LRRC27: variants seen among roughly 807,000 people sequenced by gnomAD.
LRRC27 encodes the protein leucine rich repeat containing 27.
In LRRC27, 57 loss-of-function variants were observed where a neutral mutation model predicts 55.0. The ratio of observed to expected loss-of-function variants is 1.04; its 90% confidence interval spans 0.84 to 1.29. The LOEUF (loss-of-function observed/expected upper bound fraction) is 1.29, where lower values mean the gene tolerates loss of function less well. LRRC27 is among the 50% of genes most tolerant of loss of function. The probability of loss-of-function intolerance (pLI) is 0.00; values close to 1 mark genes in which losing one functional copy is unlikely to be tolerated. For missense variants in LRRC27, 721 were observed against 651.5 expected, an observed-to-expected ratio of 1.11 and a Z score of -1.16; for synonymous variants, 278 against 251.9, an observed-to-expected ratio of 1.10 and a Z score of -0.98.
intron 7 of LRRC27, among the ~76,000 whole-genome samples, chr10:132,352,462 G>A (rs1200165524): frequency 1.6e-4 from 9 of 57,422 alleles, no homozygotes; most frequent in East Asian, 1.3e-3. Context: ...TGTGGGGCAG[G>A]CGCTGAGGCC....
At chr10:132,361,323 G>T in intron 8 of LRRC27, 134 bp from the exon 9 acceptor site, 1 of 748,590 alleles carries the variant, frequency 1.3e-6, no homozygotes, top group South Asian at 1.4e-5. Context: ...GTTGCACAGG[G>T]ACCGTCTACC....
chr10:132,346,750 C>A (rs1470356168), intron 5 of LRRC27, among the ~76,000 whole-genome samples: 1 of 152,170 alleles, frequency 6.6e-6, no homozygotes, highest in Non-Finnish European at 1.5e-5. Flanking sequence ...CAGTTTTGTC[C>A]CTGGCCCTAA....
chr10:132,333,522 C>T lies in LRRC27; in HGVS notation c.-3C>T, dbSNP rs780758498. ...ATGAGCTGCTGTCCCTGGAAGAGAA[C>T]GGATGGAGGGAAGCAGCTCCTACGA... On this transcript the variant is annotated 5_prime_UTR_variant, in exon 2 of 11. In the 5' UTR this introduces an upstream ATG that the reference lacks. Coordinates refer to ENST00000368614, the MANE Select transcript of LRRC27 (RefSeq NM_030626.3). 46 of 1,590,340 alleles carry T rather than the reference C, an allele frequency of 2.9e-5. No homozygotes were observed. In the South Asian group the frequency reaches 3.6e-4, roughly 13 times the overall value.
At chr10:132,334,047 A>G (rs990281391) in intron 2 of LRRC27, among the ~76,000 whole-genome samples, 1 of 152,204 alleles carries the variant, frequency 6.6e-6, no homozygotes, top group African/African-American at 2.4e-5. Context: ...TTAAAACACA[A>G]AACCTTAAAG....
rs888165674 is a variant in LRRC27 at position 132,351,766 on chromosome 10, A to G, written c.1073+13A>G. 1.4e-5 allele frequency: 22 copies of G among 1,604,442 alleles called. No homozygotes were observed. Among genetic ancestry groups the G allele is most frequent in the Non-Finnish European group, 1.9e-5 (22 of 1,175,122 alleles). On this transcript the variant is annotated intron_variant, in intron 7 of 10. Coordinates refer to ENST00000368614, the MANE Select transcript of LRRC27 (RefSeq NM_030626.3). ...AGCAGCAGAGACGGTGAGTCCACACAGGGTGGGGGTCCGCACAGCCCGCCC... is the reference window on the plus strand; with the variant it reads ...AGCAGCAGAGACGGTGAGTCCACACGGGGTGGGGGTCCGCACAGCCCGCCC...
At chr10:132,358,305 C>CA (rs1564845732) in intron 8 of LRRC27, among the ~76,000 whole-genome samples, 1 of 138,720 alleles carries the variant, frequency 7.2e-6, no homozygotes. Context: ...GGTGGTGGAG[C>CA]GTGGGGAGGA....
Position 132,354,754 on chromosome 10 carries a change from G to A in LRRC27, c.1074-1036G>A, listed in dbSNP as rs563695541. Among the ~76,000 whole-genome samples, 9 of 152,326 alleles carry A rather than the reference G, an allele frequency of 5.9e-5. No individual in the cohort carries two copies. In the South Asian group the frequency reaches 8.3e-4, roughly 14 times the overall value. ...AGAGCAGAGGTCGGGTGGAGGCGTCGAGGAAAACCCGGCCTGGGGCCCAGG... is the reference window on the plus strand; with the variant it reads ...AGAGCAGAGGTCGGGTGGAGGCGTCAAGGAAAACCCGGCCTGGGGCCCAGG... On this transcript the variant is annotated intron_variant, in intron 7 of 10. Transcript: ENST00000368614.
intron 9 of LRRC27, among the ~76,000 whole-genome samples, chr10:132,363,287 G>A (rs879333736): frequency 6.6e-6 from 1 of 151,952 alleles, no homozygotes; most frequent in African/African-American, 2.4e-5. Context: ...GGGGTCCGGG[G>A]TTCACCCCTC....
intron 3 of LRRC27, among the ~76,000 whole-genome samples, chr10:132,340,843 T>C (rs1416228569): frequency 7.2e-6 from 1 of 139,644 alleles, no homozygotes; most frequent in Non-Finnish European, 1.5e-5. Flanking sequence ...ATCACACCAC[T>C]GCACTCCAGC....
chr10:132,364,866 G>GTCCGCGTCCAC (rs2068977907), intron 9 of LRRC27, among the ~76,000 whole-genome samples: 1 of 4,758 alleles, frequency 2.1e-4, no homozygotes, highest in Admixed American at 3.5e-3. Flanking sequence ...CACTCACGCA[G>GTCCGCGTCCAC]ACTGGAGTGG....
At chr10:132,344,852 C>T in intron 5 of LRRC27, 1 of 491,814 alleles carries the variant, frequency 2.0e-6, no homozygotes, top group Non-Finnish European at 3.6e-6. Flanking sequence ...TAAATCTGGG[C>T]ACATTATAGA....
At chr10:132,373,998 A>G (rs527888907) in intron 10 of LRRC27, among the ~76,000 whole-genome samples, 1 of 152,346 alleles carries the variant, frequency 6.6e-6, no homozygotes, top group Non-Finnish European at 1.5e-5. Context: ...ACCAAGTCGC[A>G]GAGCTGAGCC....
At position 132,342,290 on chromosome 10, in the gene LRRC27, A is replaced by T. The variant is rs538178830; in HGVS notation, c.400+19A>T. Reference sequence around the variant, plus strand: ...GAGCTGGGTAAGTATAAAATAATAAAAAGATGATTTTAAAATGCTATCTTT... The same window carrying T: ...GAGCTGGGTAAGTATAAAATAATAATAAGATGATTTTAAAATGCTATCTTT... On this transcript the variant is annotated intron_variant, in intron 4 of 10. Coordinates refer to ENST00000368614, the MANE Select transcript of LRRC27 (RefSeq NM_030626.3). 137 of 1,439,128 alleles carry T rather than the reference A, an allele frequency of 9.5e-5. No individual in the cohort carries two copies. The South Asian group carries it at 1.7e-3, about 18-fold the overall frequency. The allele number at this position is 1,439,128 out of a possible 1,614,324, so 89.1% of individuals were successfully genotyped here.
At chr10:132,363,055 T>C (rs2068715872) in intron 9 of LRRC27, among the ~76,000 whole-genome samples, 1 of 102,596 alleles carries the variant, frequency 9.7e-6, no homozygotes, top group Non-Finnish European at 2.0e-5. Context: ...GGGTTCACCC[T>C]TCTCACCTCA....
At position 132,360,516 on chromosome 10, in the gene LRRC27, C is replaced by T. The variant is rs193042270; in HGVS notation, c.1171-941C>T. On this transcript the variant is annotated intron_variant, in intron 8 of 10. Transcript: ENST00000368614. ...TCCTCTGCTGTGTCTGCAGCCTGTG[C>T]CTTGCTTTATGGTGGGGTGGGAGGG... Among the ~76,000 whole-genome samples the T allele has an allele frequency of 1.7e-3, 265 of 152,278 alleles. 1 individual carries two copies. Among genetic ancestry groups the T allele is most frequent in the South Asian group, 0.01 (50 of 4,826 alleles).
At position 132,333,561 on chromosome 10, in the gene LRRC27, G is replaced by T; in HGVS notation, c.37G>T (p.Ala13Ser). Reference protein sequence around the residue: ...GSSSYEVPSVAAADLEEGAGQ... With the variant: ...GSSSYEVPSVSAADLEEGAGQ... ...CAGCTCCTACGAAGTTCCCTCTGTG[G>T]CTGCTGCTGATCTGGAGGAGGGTGC... Residue 13 changes from alanine (A) to serine (S), a missense_variant, in exon 2 of 11, where the codon GCT becomes TCT. Physicochemically the swap from Ala to Ser is moderately conservative, Grantham distance 99 (BLOSUM62 1). Coordinates refer to ENST00000368614, the MANE Select transcript of LRRC27 (RefSeq NM_030626.3). The T allele has an allele frequency of 6.2e-7, 1 of 1,610,430 alleles. No homozygotes were observed. Among genetic ancestry groups the T allele is most frequent in the Middle Eastern group, 2.2e-4 (1 of 4,506 alleles).
At chr10:132,366,901 G>GAC (rs2069107217) in intron 10 of LRRC27, 1 of 1,285,564 alleles carries the variant, frequency 7.8e-7, no homozygotes, top group Non-Finnish European at 1.0e-6. Flanking sequence ...ACTTCATGGA[G>GAC]ACCCCACCCA....
chr10:132,357,983 G>C (rs1361948209), intron 8 of LRRC27, among the ~76,000 whole-genome samples: 1 of 152,226 alleles, frequency 6.6e-6, no homozygotes, highest in Non-Finnish European at 1.5e-5. Flanking sequence ...GAGGCCTGCT[G>C]CTTCCCTGTG....
intron 9 of LRRC27, 104 bp from the exon 10 acceptor site, chr10:132,365,320 G>C: frequency 6.7e-7 from 1 of 1,491,718 alleles, no homozygotes; most frequent in Non-Finnish European, 9.3e-7. Flanking sequence ...ACCGCTGTTT[G>C]GTCTGGGAAG....
Sources: allele counts gnomAD v4.1 joint callset (sites outside exome capture counted in the v4.1 genomes callset), GRCh38; gene constraint gnomAD v4.1.1; transcripts MANE v1.5; gene names NCBI Gene and HGNC (gene_info 2026-07-23, HGNC 2026-07-21).